Variants in MYOCD observed in about 807,000 individuals in gnomAD.
MYOCD encodes myocardin.
In MYOCD, 32 loss-of-function variants were observed where a neutral mutation model predicts 96.1. The observed-to-expected ratio is 0.33, with a 90% confidence interval of 0.25 to 0.45. The LOEUF (loss-of-function observed/expected upper bound fraction) is 0.45, where lower values mean the gene tolerates loss of function less well. Among genes scored for constraint, MYOCD ranks in the 20% least tolerant of loss-of-function variants. The probability of loss-of-function intolerance (pLI) is 1.00; values close to 1 mark genes in which losing one functional copy is unlikely to be tolerated. For synonymous variants in MYOCD, 469 were observed against 469.0 expected (o/e 1.00, Z 0.00); for missense variants, 1,133 against 1,200.6 (o/e 0.94, Z 0.83).
chr17:12,674,731 G>A lies in MYOCD; in HGVS notation c.55+8488G>A, dbSNP rs1255213051. Reference sequence around the variant, plus strand: ...CTACAATAAAATATGTAATGGGTTTGTTGAGAAAATTGACTATCTCTTTGG... The same window carrying A: ...CTACAATAAAATATGTAATGGGTTTATTGAGAAAATTGACTATCTCTTTGG... On this transcript the variant is annotated intron_variant, in intron 1 of 13. Transcript: ENST00000425538. Among the ~76,000 whole-genome samples, 4 of 152,274 alleles carry A rather than the reference G, an allele frequency of 2.6e-5. No homozygotes were observed. In the East Asian group the frequency reaches 7.7e-4, roughly 29 times the overall value.
At chr17:12,723,796 T>G (rs1262166434) in intron 5 of MYOCD, among the ~76,000 whole-genome samples, 1 of 152,216 alleles carries the variant, frequency 6.6e-6, no homozygotes, top group African/African-American at 2.4e-5. Context: ...TGAGAACTAT[T>G]GGTAGATATT....
intron 9 of MYOCD, among the ~76,000 whole-genome samples, chr17:12,747,727 T>C (rs536562904): frequency 1.8e-4 from 28 of 152,268 alleles, no homozygotes; most frequent in Admixed American, 5.9e-4. Context: ...AAAGGTCATA[T>C]AATGAAGGTG....
In MYOCD at chr17:12,756,490, C is replaced by A. The variant is rs1221315145; in HGVS notation, c.2135C>A (p.Ala712Asp). ...SSSLHPPFSG[A>D]QADSSHGAGG... ...AGCCTCCACCCGCCCTTCTCTGGAG[C>A]CCAAGCAGACAGCAGTCATGGTGCC... Residue 712 changes from alanine (A) to aspartate (D), a missense_variant, in exon 11 of 14, where the codon GCC (alanine) becomes GAC (aspartate). Coordinates refer to ENST00000425538, the MANE Select transcript of MYOCD (RefSeq NM_001146312.3). 6.4e-7 allele frequency: 1 copy of A among 1,551,752 alleles called. No individual in the cohort carries two copies. The highest frequency in any genetic ancestry group is 2.4e-5 in the East Asian group (1 of 40,860).
intron 5 of MYOCD, among the ~76,000 whole-genome samples, chr17:12,730,039 C>T (rs564271642): frequency 8.6e-5 from 13 of 151,958 alleles, no homozygotes; most frequent in South Asian, 6.2e-4. Context: ...CCTAGTTACT[C>T]GGGAGGCTGA....
rs972350903 is a variant in MYOCD at position 12,767,581 on chromosome 17, C to G, written c.*3937C>G. ...CAAGAACACTAAGAATCTCCCAGTC[C>G]TCAAACTAGAAACCTTTCAGCTACG... On this transcript the variant is annotated 3_prime_UTR_variant, in exon 14 of 14. Coordinates refer to ENST00000425538, the MANE Select transcript of MYOCD (RefSeq NM_001146312.3). The G allele has an allele frequency of 6.6e-6, 1 of 151,880 alleles. No individual in the cohort carries two copies. Among genetic ancestry groups the G allele is most frequent in the Non-Finnish European group, 1.5e-5 (1 of 68,014 alleles). 9.4% of individuals were successfully genotyped at this position (151,880 alleles called of 1,614,324 possible). A position where few individuals can be genotyped will look rare whatever the true frequency, so the allele number is the denominator to read the frequency against.
chr17:12,738,798 G>A (rs1170210378), intron 6 of MYOCD, among the ~76,000 whole-genome samples: 1 of 151,532 alleles, frequency 6.6e-6, no homozygotes, highest in Non-Finnish European at 1.5e-5. Flanking sequence ...CAAGACAGGT[G>A]GACCTTGTCA....
chr17:12,688,589 C>T (rs2030268516), intron 1 of MYOCD, among the ~76,000 whole-genome samples: 1 of 143,338 alleles, frequency 7.0e-6, no homozygotes, highest in Non-Finnish European at 1.5e-5. Flanking sequence ...TCCCTCCTTC[C>T]TTCCATCTCC....
chr17:12,756,911 C>T (rs1186082072), intron 11 of MYOCD, among the ~76,000 whole-genome samples: 1 of 152,064 alleles, frequency 6.6e-6, no homozygotes, highest in Admixed American at 6.6e-5. Context: ...ACTCCAAATG[C>T]ATCTAAAAGG....
In MYOCD at chr17:12,665,896, C is replaced by T; in HGVS notation, c.-293C>T. On this transcript the variant is annotated 5_prime_UTR_variant, in exon 1 of 14. Coordinates refer to ENST00000425538, the MANE Select transcript of MYOCD (RefSeq NM_001146312.3). The surrounding 1 kb of genome is among the most constrained non-coding windows in gnomAD (Gnocchi z 4.2). The stretch of plus-strand genomic sequence containing the variant: ...CGTGGTGGCGATTCTCCGCAATCGC[C>T]GGCAGCCTATGACATCAGACAGGAA... The T allele has an allele frequency of 4.9e-6, 2 of 412,120 alleles. No individual in the cohort carries two copies. The highest frequency in any genetic ancestry group is 4.1e-5 in the Admixed American group (1 of 24,510). The allele number at this position is 412,120 out of a possible 1,614,324, so 25.5% of individuals were successfully genotyped here.
chr17:12,726,793 A>C (rs544842861), intron 5 of MYOCD, among the ~76,000 whole-genome samples: 1 of 152,286 alleles, frequency 6.6e-6, no homozygotes, highest in African/African-American at 2.4e-5. Flanking sequence ...ATATGATCAT[A>C]ATGATTGGTT....
At chr17:12,671,780 C>A (rs1909723880) in intron 1 of MYOCD, 2 of 152,184 alleles carry the variant, frequency 1.3e-5, no homozygotes, top group Admixed American at 6.5e-5. Context: ...AAGTGCAGGG[C>A]AGAAGCAAAA....
intron 12 of MYOCD, 101 bp downstream of exon 12, chr17:12,758,314 G>C (rs998535883): frequency 1.3e-6 from 2 of 1,556,242 alleles, no homozygotes; most frequent in Admixed American, 3.5e-5. Flanking sequence ...TTCTGATATT[G>C]AGTGTGTCAT....
intron 1 of MYOCD, among the ~76,000 whole-genome samples, chr17:12,683,717 A>T (rs754078381): frequency 6.6e-6 from 1 of 152,164 alleles, no homozygotes; most frequent in Non-Finnish European, 1.5e-5. Flanking sequence ...CCCAAACTAC[A>T]TGAAGCTCCT....
chr17:12,740,022 G>T (rs569511697), intron 7 of MYOCD, among the ~76,000 whole-genome samples: 1 of 151,802 alleles, frequency 6.6e-6, no homozygotes, highest in African/African-American at 2.4e-5. Flanking sequence ...TGCAACCTCC[G>T]CCTCCCAGGT....
At position 12,735,345 on chromosome 17, in the gene MYOCD, T is replaced by TAAGGGACATAC. The variant is rs1156468233; in HGVS notation, c.416-812_416-811insGACATACAAGG. On this transcript the variant is annotated intron_variant, in intron 5 of 13. Transcript: ENST00000425538. ...AGATGAAATTTGGCAAATAAAAATG[T>TAAGGGACATAC]AAGGATGTCATTCTAGTCCCATCTG... Among the ~76,000 whole-genome samples, 4 of 151,978 alleles carry TAAGGGACATAC rather than the reference T, an allele frequency of 2.6e-5. No homozygotes were observed. The East Asian group carries it at 7.8e-4, about 30-fold the overall frequency.
At chr17:12,736,424 T>C in intron 6 of MYOCD, 88 bp downstream of exon 6, 1 of 1,387,670 alleles carries the variant, frequency 7.2e-7, no homozygotes, top group Non-Finnish European at 9.9e-7. Flanking sequence ...TGTTAACAGC[T>C]GGTTTTGCTT....
chr17:12,699,001 C>A (rs1410303303), intron 1 of MYOCD, among the ~76,000 whole-genome samples: 1 of 151,904 alleles, frequency 6.6e-6, no homozygotes, highest in African/African-American at 2.4e-5. Flanking sequence ...CTCGGCCTCC[C>A]AAAGTGCTGG....
intron 5 of MYOCD, among the ~76,000 whole-genome samples, chr17:12,729,638 C>T (rs902109561): frequency 1.4e-4 from 22 of 151,748 alleles, no homozygotes; most frequent in Middle Eastern, 3.2e-3. Flanking sequence ...AGTGCAATGG[C>T]GCGATCTCTG....
chr17:12,666,010 G>T lies in MYOCD; in HGVS notation c.-179G>T. 2 of 552,654 alleles carry T rather than the reference G, an allele frequency of 3.6e-6. No individual in the cohort carries two copies. The highest frequency in any genetic ancestry group is 2.4e-5 in the South Asian group (1 of 41,342). The allele number at this position is 552,654 out of a possible 1,614,324, so 34.2% of individuals were successfully genotyped here. A position where few individuals can be genotyped will look rare whatever the true frequency, so the allele number is the denominator to read the frequency against. ...AGTTAATTAGCCCCGCACGGCGAGGGGGGAGGCGCCAGTTTTCTGGGGACA... is the reference window on the plus strand; with the variant it reads ...AGTTAATTAGCCCCGCACGGCGAGGTGGGAGGCGCCAGTTTTCTGGGGACA... On this transcript the variant is annotated 5_prime_UTR_variant, in exon 1 of 14. Transcript: ENST00000425538.
Sources: allele counts gnomAD v4.1 joint callset (sites outside exome capture counted in the v4.1 genomes callset), GRCh38; gene constraint gnomAD v4.1.1; non-coding constraint Gnocchi (gnomAD v3.1); transcripts MANE v1.5; gene names NCBI Gene and HGNC (gene_info 2026-07-23, HGNC 2026-07-21).